CHCHD4: variants seen among roughly 807,000 people sequenced by gnomAD.
CHCHD4 encodes coiled-coil-helix-coiled-coil-helix domain containing 4, also known as mitochondrial intermembrane space import and assembly protein 40.
Under a neutral mutation model 12.4 loss-of-function variants are expected in CHCHD4, and 7 were observed. That is an observed-to-expected ratio of 0.57 (90% CI 0.32 to 1.06). CHCHD4 has a LOEUF of 1.06. CHCHD4 is among the 50% of genes least tolerant of loss of function. CHCHD4 has a pLI of 0.04. For missense variants in CHCHD4, 143 were observed against 175.1 expected, an observed-to-expected ratio of 0.82 and a Z score of 1.03; for synonymous variants, 56 against 58.0, an observed-to-expected ratio of 0.97 and a Z score of 0.16.
At chr3:14,121,198 C>T (rs1356976705) in intron 1 of CHCHD4, among the ~76,000 whole-genome samples, 1 of 152,194 alleles carries the variant, frequency 6.6e-6, no homozygotes, top group Non-Finnish European at 1.5e-5. Context: ...CCCCACCTCC[C>T]TCTGTGTCCC....
intron 2 of CHCHD4, among the ~76,000 whole-genome samples, chr3:14,114,375 A>G (rs1025286528): frequency 2.0e-5 from 3 of 152,168 alleles, no homozygotes; most frequent in Non-Finnish European, 2.9e-5. Context: ...AAGCCTTCTG[A>G]CAACCTTCTG....
At chr3:14,114,491 C>T (rs923972058) in intron 2 of CHCHD4, among the ~76,000 whole-genome samples, 2 of 152,160 alleles carry the variant, frequency 1.3e-5, no homozygotes, top group Non-Finnish European at 2.9e-5. Context: ...CATGCCCCTT[C>T]CCCTACATCT....
At chr3:14,118,885 A>G (rs1694904218) in intron 1 of CHCHD4, among the ~76,000 whole-genome samples, 1 of 152,252 alleles carries the variant, frequency 6.6e-6, no homozygotes, top group African/African-American at 2.4e-5. Flanking sequence ...ATGGCAGCTC[A>G]GCGCAGCCCA....
intron 1 of CHCHD4, 45 bp from the exon 2 acceptor site, chr3:14,116,569 G>A (rs778967677): frequency 1.4e-6 from 2 of 1,430,572 alleles, no homozygotes; most frequent in Non-Finnish European, 9.9e-7. Context: ...TTCAAGAGCA[G>A]TGAATCAGCT....
At chr3:14,122,114 A>T (rs776104856) in intron 1 of CHCHD4, 1 of 1,550,632 alleles carries the variant, frequency 6.4e-7, no homozygotes, top group Non-Finnish European at 8.7e-7. Flanking sequence ...GGTTTTAAGT[A>T]GTGTTCGCTC....
chr3:14,116,353 G>C, intron 2 of CHCHD4, 73 bp downstream of exon 2: 1 of 1,059,970 alleles, frequency 9.4e-7, no homozygotes, highest in Non-Finnish European at 1.5e-6. Context: ...GAAAACATGG[G>C]AAAGGAATTA....
rs765813674 is a variant in CHCHD4, at chr3:14,113,213, G to T, written c.122-19C>A. On this transcript the variant is annotated intron_variant, in intron 2 of 2. Transcript: ENST00000396914. ...ATCAATCCTAGAACAGGAAGATAGA[G>T]AGATGTTCTCTAAAGTTTCAGAAAA... 11 of 1,573,926 alleles carry T rather than the reference G, an allele frequency of 7.0e-6. No individual in the cohort carries two copies. Among genetic ancestry groups the T allele is most frequent in the Non-Finnish European group, 9.5e-6 (11 of 1,157,064 alleles).
chr3:14,123,817 T>TG (rs771198774), intron 1 of CHCHD4, among the ~76,000 whole-genome samples: 9 of 152,182 alleles, frequency 5.9e-5, no homozygotes, highest in Non-Finnish European at 1.0e-4. Context: ...TGGCAGTGTG[T>TG]GGGGAGGCCC....
At chr3:14,122,387 A>T (rs1574933044) in intron 1 of CHCHD4, among the ~76,000 whole-genome samples, 1 of 152,348 alleles carries the variant, frequency 6.6e-6, no homozygotes, top group Admixed American at 6.5e-5. Flanking sequence ...CTGGCACATC[A>T]CGTGTGCTCT....
chr3:14,124,638 C>T lies in CHCHD4; in HGVS notation c.22+17G>A, dbSNP rs1357081495. 6.6e-7 allele frequency: 1 copy of T among 1,511,692 alleles called. No individual in the cohort carries two copies. Among genetic ancestry groups the T allele is most frequent in the Non-Finnish European group, 8.8e-7 (1 of 1,131,882 alleles). 93.6% of individuals were successfully genotyped at this position (1,511,692 alleles called of 1,614,324 possible). On this transcript the variant is annotated intron_variant, in intron 1 of 2. Coordinates refer to ENST00000396914, the MANE Select transcript of CHCHD4 (RefSeq NM_001098502.2). The stretch of plus-strand genomic sequence containing the variant: ...GGCCCTCGTAGGCCGGTCTCCGTGG[C>T]AGCCCGCCCTCCCTACCTTCCTGCC...
At chr3:14,115,464 A>G (rs1380675796) in intron 2 of CHCHD4, among the ~76,000 whole-genome samples, 3 of 150,352 alleles carry the variant, frequency 2.0e-5, no homozygotes, top group African/African-American at 7.6e-5. Flanking sequence ...AGGTACTAGA[A>G]TTGACATGTA....
intron 1 of CHCHD4, among the ~76,000 whole-genome samples, chr3:14,122,496 C>A (rs892508948): frequency 2.6e-5 from 4 of 152,186 alleles, no homozygotes; most frequent in African/African-American, 9.6e-5. Flanking sequence ...TGTGGCTAGC[C>A]CAAGGCCCAG....
intron 1 of CHCHD4, 36 bp downstream of exon 1, chr3:14,124,619 C>T: frequency 6.7e-7 from 1 of 1,497,222 alleles, no homozygotes; most frequent in Non-Finnish European, 8.9e-7. Flanking sequence ...CGCAGGCCCT[C>T]GTAGGCCGGT....
chr3:14,123,768 A>G (rs572130275), intron 1 of CHCHD4, among the ~76,000 whole-genome samples: 2 of 152,274 alleles, frequency 1.3e-5, no homozygotes, highest in African/African-American at 4.8e-5. Flanking sequence ...CAGGGCCTGG[A>G]GGGGTTAGGT....
chr3:14,120,140 C>T (rs1037747978), intron 1 of CHCHD4, among the ~76,000 whole-genome samples: 1 of 151,974 alleles, frequency 6.6e-6, no homozygotes, highest in African/African-American at 2.4e-5. Context: ...ACTGGAGGCC[C>T]GAGGGGTTAC....
At position 14,112,964 on chromosome 3, in the gene CHCHD4, T is replaced by A. The variant is rs1553602106; in HGVS notation, c.352A>T (p.Lys118Ter). ...EDEDEEEERE[K>*]KPAEQAEETA... is the part of the protein sequence containing the mutation. ...TCTTCTGCTTGTTCTGCTGGCTTCT[T>A]CTCTCTTTCCTCTTCCTCATCCTCA... The change falls in exon 3 of 3, where the codon AAG (lysine) becomes TAG (stop). Residue 118 changes from lysine (K) to a stop codon, truncating the protein, a stop_gained. Coordinates refer to ENST00000396914, the MANE Select transcript of CHCHD4 (RefSeq NM_001098502.2). LOFTEE classifies it low-confidence loss of function (END_TRUNC). 6.2e-7 allele frequency: 1 copy of A among 1,613,010 alleles called. No homozygotes were observed. Among genetic ancestry groups the A allele is most frequent in the Non-Finnish European group, 8.5e-7 (1 of 1,179,560 alleles).
chr3:14,120,082 T>C (rs1694916378), intron 1 of CHCHD4, among the ~76,000 whole-genome samples: 1 of 152,074 alleles, frequency 6.6e-6, no homozygotes. Flanking sequence ...GAGGAGGTCA[T>C]CCAGAATCAA....
intron 1 of CHCHD4, among the ~76,000 whole-genome samples, chr3:14,120,969 A>G (rs946644571): frequency 6.6e-6 from 1 of 152,066 alleles, no homozygotes; most frequent in African/African-American, 2.4e-5. Flanking sequence ...AGTGGCTTGG[A>G]CTGCTTCTGT....
intron 1 of CHCHD4, among the ~76,000 whole-genome samples, chr3:14,123,425 A>G (rs1487478164): frequency 6.6e-6 from 1 of 152,150 alleles, no homozygotes; most frequent in Non-Finnish European, 1.5e-5. Context: ...ATATAATAGT[A>G]CTCATTAAAG....
Sources: gnomAD v4.1 joint callset for allele counts (sites outside exome capture counted in the v4.1 genomes callset) on GRCh38, gnomAD v4.1.1 for gene constraint, MANE v1.5 for transcripts, NCBI Gene and HGNC (gene_info 2026-07-23, HGNC 2026-07-21) for gene names.